Variants in ENAH observed in about 807,000 individuals in gnomAD.
ENAH encodes the protein ENAH actin regulator.
A neutral mutation model predicts 78.7 loss-of-function variants in ENAH; 23 were observed. The ratio of observed to expected loss-of-function variants is 0.29; its 90% CI spans 0.21 to 0.41. The LOEUF is 0.41. ENAH is among the 10% of genes least tolerant of loss of function. The pLI, the probability that ENAH is intolerant of heterozygous loss-of-function variation, is 1.00. For synonymous variants in ENAH, 226 were observed against 241.0 expected (o/e 0.94, Z 0.58); for missense variants, 544 against 691.0 (o/e 0.79, Z 2.39).
chr1:225,552,134 C>CTTTTTTTT (rs397983036), intron 3 of ENAH, among the ~76,000 whole-genome samples: 37 of 115,950 alleles, frequency 3.2e-4, no homozygotes, highest in South Asian at 5.8e-4. Flanking sequence ...ACTCCTGATT[C>CTTTTTTTT]TTTTTTTTTT....
At chr1:225,637,879 C>T (rs911292150) in intron 1 of ENAH, among the ~76,000 whole-genome samples, 24 of 152,002 alleles carry the variant, frequency 1.6e-4, no homozygotes, top group African/African-American at 4.8e-4. Flanking sequence ...GCTATGATCG[C>T]GCCACTGCAT....
At position 225,492,566 on chromosome 1, in the gene ENAH, C is replaced by CGGGG; in HGVS notation, c.*5205_*5208dup. ...TGAGTATTTAACATGCTTCACAGAA[C>CGGGG]GGGGGTGCAGCTCAGTGACTGTGAT... On this transcript the variant is annotated 3_prime_UTR_variant, in exon 14 of 14. Coordinates refer to ENST00000366843, the MANE Select transcript of ENAH (RefSeq NM_018212.6). 1 of 152,222 alleles carries CGGGG rather than the reference C, an allele frequency of 6.6e-6. No individual in the cohort carries two copies. The highest frequency in any genetic ancestry group is 1.5e-5 in the Non-Finnish European group (1 of 68,022). 9.4% of individuals were successfully genotyped at this position (152,222 alleles called of 1,614,324 possible).
rs562193239 is a variant in ENAH at position 225,519,753 on chromosome 1, C to T, written c.435-188G>A. Among the ~76,000 whole-genome samples, 4 of 152,258 alleles carry T rather than the reference C, an allele frequency of 2.6e-5. No individual in the cohort carries two copies. In the East Asian group the frequency reaches 5.8e-4, roughly 22 times the overall value. On this transcript the variant is annotated intron_variant, in intron 4 of 13. Coordinates refer to ENST00000366843, the MANE Select transcript of ENAH (RefSeq NM_018212.6). The stretch of plus-strand genomic sequence containing the variant: ...TTCATACAAATGAAAATCATTTCTC[C>T]TATTAGCATCATATTGGCTGAATGC...
chr1:225,599,246 A>C lies in ENAH; in HGVS notation c.6-31832T>G, dbSNP rs2096918001. 2.0e-5 allele frequency among the ~76,000 whole-genome samples: 3 copies of C among 152,226 alleles called. No individual in the cohort carries two copies. The South Asian group carries it at 6.2e-4, about 32-fold the overall frequency. ...CATCAAGAAAGAAAAACAAAGCTAA[A>C]GAGAGACTGAAGAGACATGAAAATG... On this transcript the variant is annotated intron_variant, in intron 1 of 13. Coordinates refer to ENST00000366843, the MANE Select transcript of ENAH (RefSeq NM_018212.6).
chr1:225,573,260 C>T (rs2096772597), intron 1 of ENAH, among the ~76,000 whole-genome samples: 3 of 152,168 alleles, frequency 2.0e-5, no homozygotes, highest in Non-Finnish European at 4.4e-5. Flanking sequence ...ATATGTAGCA[C>T]ACAGTAGGCA....
intron 1 of ENAH, among the ~76,000 whole-genome samples, chr1:225,597,240 T>C (rs1442204342): frequency 6.6e-6 from 1 of 152,232 alleles, no homozygotes; most frequent in Non-Finnish European, 1.5e-5. Context: ...TGTTTCATAA[T>C]GGTAGTGCCT....
chr1:225,563,699 A>G (rs545379877), intron 2 of ENAH, among the ~76,000 whole-genome samples: 1 of 152,328 alleles, frequency 6.6e-6, no homozygotes, highest in Non-Finnish European at 1.5e-5. Context: ...ATTGAGGACT[A>G]TTATATCTAG....
At chr1:225,646,996 G>A (rs1425690622) in intron 1 of ENAH, among the ~76,000 whole-genome samples, 1 of 151,024 alleles carries the variant, frequency 6.6e-6, no homozygotes, top group African/African-American at 2.4e-5. Flanking sequence ...GGAGGCTGAG[G>A]TGGGCGCATC....
chr1:225,498,319 G>A (rs372583003), intron 13 of ENAH, 28 bp downstream of exon 13: 23 of 1,540,898 alleles, frequency 1.5e-5, no homozygotes, highest in Non-Finnish European at 2.0e-5. Flanking sequence ...TTGTTTTATA[G>A]GAATAGTAAA....
intron 1 of ENAH, chr1:225,652,393 G>A (rs1460595021): frequency 1.0e-6 from 1 of 985,344 alleles, no homozygotes; most frequent in Non-Finnish European, 1.2e-6. Flanking sequence ...AAAGGCTTGG[G>A]GGAGGGAGCC....
Position 225,514,687 on chromosome 1 carries a change from C to T in ENAH, c.1127G>A (p.Gly376Glu). ...PPPAPPLPAS[G>E]FFLASMSEDN... Reference sequence around the variant, plus strand: ...TTCTGACATGGATGCCAAAAAGAATCCAGATGCAGGGAGGGGTGGGGCAGG... The same window carrying T: ...TTCTGACATGGATGCCAAAAAGAATTCAGATGCAGGGAGGGGTGGGGCAGG... The change falls in exon 7 of 14, where the codon GGA becomes GAA. Residue 376 changes from glycine (G) to glutamate (E), a missense_variant. Physicochemically the swap from Gly to Glu is moderately conservative, Grantham distance 98 (BLOSUM62 -2). This residue lies in a region of ENAH where 366 missense variants were observed against 396.1 expected (regional missense o/e 0.92). Coordinates refer to ENST00000366843, the MANE Select transcript of ENAH (RefSeq NM_018212.6). 6.2e-7 allele frequency: 1 copy of T among 1,609,040 alleles called. No individual in the cohort carries two copies. Among genetic ancestry groups the T allele is most frequent in the Non-Finnish European group, 8.5e-7 (1 of 1,178,234 alleles).
At chr1:225,529,434 G>A (rs1488962213) in intron 4 of ENAH, among the ~76,000 whole-genome samples, 1 of 152,076 alleles carries the variant, frequency 6.6e-6, no homozygotes, top group East Asian at 1.9e-4. Context: ...CAAGTACTGA[G>A]ACTGATAAGT....
intron 2 of ENAH, among the ~76,000 whole-genome samples, chr1:225,559,076 G>C (rs2096685376): frequency 6.6e-6 from 1 of 152,008 alleles, no homozygotes; most frequent in East Asian, 1.9e-4. Flanking sequence ...AAACATTTTA[G>C]CCTCTAAATT....
intron 1 of ENAH, among the ~76,000 whole-genome samples, chr1:225,569,381 G>A (rs1355689615): frequency 6.6e-6 from 1 of 152,142 alleles, no homozygotes; most frequent in Non-Finnish European, 1.5e-5. Flanking sequence ...TGTAAATGAC[G>A]AGTTGATGGG....
chr1:225,591,616 T>C (rs1392660864), intron 1 of ENAH, among the ~76,000 whole-genome samples: 1 of 147,448 alleles, frequency 6.8e-6, no homozygotes, highest in Admixed American at 6.8e-5. Flanking sequence ...AATACAAAAA[T>C]TAGCCAGGCA....
At chr1:225,612,745 C>A (rs757520873) in intron 1 of ENAH, among the ~76,000 whole-genome samples, 3 of 152,082 alleles carry the variant, frequency 2.0e-5, no homozygotes, top group Non-Finnish European at 2.9e-5. Context: ...TAATTCATAT[C>A]TTTGCCCCAG....
chr1:225,581,586 T>C (rs771971340), intron 1 of ENAH, among the ~76,000 whole-genome samples: 2 of 152,214 alleles, frequency 1.3e-5, no homozygotes, highest in Non-Finnish European at 2.9e-5. Context: ...AGAATCTCAA[T>C]CTATTTTTCT....
chr1:225,514,972 C>G, intron 6 of ENAH, 72 bp from the exon 7 acceptor site: 3 of 1,224,204 alleles, frequency 2.5e-6, no homozygotes, highest in Admixed American at 4.2e-5. Flanking sequence ...TGGGAAGGTA[C>G]GCAGAATGCC....
At chr1:225,524,588 T>C (rs1331060685) in intron 4 of ENAH, 1 of 984,996 alleles carries the variant, frequency 1.0e-6, no homozygotes. Flanking sequence ...GAGGCAAGAG[T>C]TGATACTCAC....
Sources: allele counts gnomAD v4.1 joint callset (sites outside exome capture counted in the v4.1 genomes callset), GRCh38; gene constraint gnomAD v4.1.1; regional missense constraint gnomAD v4.1.1; transcripts MANE v1.5; gene names NCBI Gene and HGNC (gene_info 2026-07-23, HGNC 2026-07-21).